Variants in CDH8 observed in about 807,000 individuals in gnomAD.
CDH8 encodes the protein cadherin-8.
In CDH8, 17 loss-of-function variants were observed where a neutral mutation model predicts 68.1. That is an observed-to-expected ratio of 0.25 (90% CI 0.17 to 0.37). The LOEUF (loss-of-function observed/expected upper bound fraction) is 0.37. Ranked by LOEUF, CDH8 falls within the 10% of genes least tolerant of loss-of-function variation. CDH8 has a pLI of 1.00. For missense variants in CDH8, 763 were observed against 999.3 expected (o/e 0.76, Z 3.19); for synonymous variants, 372 against 365.1 (o/e 1.02, Z -0.21).
At chr16:61,879,123 T>C (rs1208658242) in intron 3 of CDH8, among the ~76,000 whole-genome samples, 1 of 152,186 alleles carries the variant, frequency 6.6e-6, no homozygotes, top group Non-Finnish European at 1.5e-5. Context: ...TCCTCGAAGG[T>C]AGGCTGACTG....
At chr16:61,952,237 A>T (rs1964909618) in intron 2 of CDH8, among the ~76,000 whole-genome samples, 1 of 152,226 alleles carries the variant, frequency 6.6e-6, no homozygotes, top group Non-Finnish European at 1.5e-5. Flanking sequence ...ACCACAGCTA[A>T]AGAATACCAC....
intron 2 of CDH8, among the ~76,000 whole-genome samples, chr16:61,932,520 G>T (rs1311068308): frequency 3.3e-5 from 5 of 151,960 alleles, no homozygotes; most frequent in Non-Finnish European, 5.9e-5. Context: ...TACCACTCCC[G>T]TATAGTGACC....
intron 2 of CDH8, among the ~76,000 whole-genome samples, chr16:61,988,418 C>G (rs1450823872): frequency 6.6e-6 from 1 of 152,108 alleles, no homozygotes; most frequent in African/African-American, 2.4e-5. Context: ...ACTTTCTATC[C>G]TTGATTAAGC....
At chr16:61,975,424 G>C (rs1292717432) in intron 2 of CDH8, among the ~76,000 whole-genome samples, 1 of 152,142 alleles carries the variant, frequency 6.6e-6, no homozygotes, top group Non-Finnish European at 1.5e-5. Context: ...TCATGTCTCT[G>C]TCAGTCAAAT....
In CDH8 at chr16:61,654,117, T is replaced by G. The variant is rs1963389227; in HGVS notation, c.1907-16A>C. 6.3e-7 allele frequency: 1 copy of G among 1,599,790 alleles called. No individual in the cohort carries two copies. Among genetic ancestry groups the G allele is most frequent in the Non-Finnish European group, 8.5e-7 (1 of 1,172,648 alleles). On this transcript the variant is annotated splice_polypyrimidine_tract_variant and intron_variant, in intron 11 of 11. Coordinates refer to ENST00000577390, the MANE Select transcript of CDH8 (RefSeq NM_001796.5). ...ACCACGATGACTAGAGGAAAAATATTAAATAACAGTCAGCCAAACAAGCAT... is the reference window on the plus strand; with the variant it reads ...ACCACGATGACTAGAGGAAAAATATGAAATAACAGTCAGCCAAACAAGCAT...
intron 2 of CDH8, among the ~76,000 whole-genome samples, chr16:61,939,653 A>G (rs1334701732): frequency 6.6e-6 from 1 of 152,206 alleles, no homozygotes; most frequent in African/African-American, 2.4e-5. Context: ...TTTGTAATTG[A>G]CTATAATACC....
At chr16:61,838,638 GAAACTT>G (rs1381916530) in intron 4 of CDH8, among the ~76,000 whole-genome samples, 2 of 152,074 alleles carry the variant, frequency 1.3e-5, no homozygotes, top group East Asian at 3.9e-4. Flanking sequence ...TGATTTCTGA[GAAACTT>G]GCAGCCATTA....
At chr16:61,722,879 T>A (rs2142884995) in intron 9 of CDH8, among the ~76,000 whole-genome samples, 1 of 150,716 alleles carries the variant, frequency 6.6e-6, no homozygotes, top group African/African-American at 2.4e-5. Flanking sequence ...AAAATATTTT[T>A]GTTTCTCTTT....
chr16:61,942,384 C>G (rs1473300801), intron 2 of CDH8, among the ~76,000 whole-genome samples: 1 of 152,148 alleles, frequency 6.6e-6, no homozygotes, highest in East Asian at 1.9e-4. Flanking sequence ...GTAGTCCTAG[C>G]TGCTCAGAAG....
intron 3 of CDH8, among the ~76,000 whole-genome samples, chr16:61,868,943 AGAG>A: frequency 6.6e-6 from 1 of 152,284 alleles, no homozygotes; most frequent in Non-Finnish European, 1.5e-5. Flanking sequence ...GAGGATGAAA[AGAG>A]GAGGGAGAGA....
In CDH8 at chr16:61,973,360, C is replaced by A. The variant is rs186141120; in HGVS notation, c.252+47792G>T. 1.8e-4 allele frequency among the ~76,000 whole-genome samples: 27 copies of A among 152,294 alleles called. No individual in the cohort carries two copies. In the East Asian group the frequency reaches 4.8e-3, roughly 27 times the overall value. ...TATTGTAAGAATGCAGTATGTAATA[C>A]CTATGACATATGAAATACGTGTTAA... On this transcript the variant is annotated intron_variant, in intron 2 of 11. Transcript: ENST00000577390.
intron 4 of CDH8, among the ~76,000 whole-genome samples, chr16:61,845,955 G>A (rs1448234817): frequency 1.3e-5 from 2 of 151,896 alleles, no homozygotes; most frequent in Non-Finnish European, 2.9e-5. Flanking sequence ...CTAATTGCAA[G>A]GGGAAAAAAA....
intron 2 of CDH8, among the ~76,000 whole-genome samples, chr16:61,930,556 G>A (rs1964526504): frequency 6.6e-6 from 1 of 152,182 alleles, no homozygotes; most frequent in Non-Finnish European, 1.5e-5. Flanking sequence ...CAAAAGGACT[G>A]TAGGTTTACA....
At chr16:61,803,632 G>T (rs57039523) in intron 7 of CDH8, among the ~76,000 whole-genome samples, 20 of 150,732 alleles carry the variant, frequency 1.3e-4, no homozygotes, top group Non-Finnish European at 2.1e-4. Context: ...ATCTACCAAG[G>T]AAATGGAAAA....
intron 4 of CDH8, among the ~76,000 whole-genome samples, chr16:61,852,860 T>A (rs958306432): frequency 1.5e-5 from 2 of 133,888 alleles, no homozygotes; most frequent in African/African-American, 6.2e-5. Flanking sequence ...TGCCCTTCCT[T>A]CCTTCCTTCC....
At chr16:61,797,306 G>C (rs1298670352) in intron 7 of CDH8, among the ~76,000 whole-genome samples, 4 of 152,054 alleles carry the variant, frequency 2.6e-5, no homozygotes, top group African/African-American at 9.7e-5. Context: ...AGTTTTGAAT[G>C]TCGTGGATCT....
chr16:61,985,514 C>T (rs560061975), intron 2 of CDH8, among the ~76,000 whole-genome samples: 37 of 152,208 alleles, frequency 2.4e-4, no homozygotes, highest in Admixed American at 5.2e-4. Flanking sequence ...TCTTTTGAGA[C>T]GGAGTTTCAC....
At chr16:61,863,120 G>A (rs183597033) in intron 3 of CDH8, among the ~76,000 whole-genome samples, 33 of 152,258 alleles carry the variant, frequency 2.2e-4, no homozygotes, top group East Asian at 1.2e-3. Context: ...GTATCAAGCC[G>A]AGTATGAACA....
At chr16:61,956,171 A>G (rs1964985374) in intron 2 of CDH8, among the ~76,000 whole-genome samples, 1 of 152,190 alleles carries the variant, frequency 6.6e-6, no homozygotes, top group South Asian at 2.1e-4. Context: ...GTTGTCAAAA[A>G]TTTGTATACA....
Sources: gnomAD v4.1 joint callset for allele counts (sites outside exome capture counted in the v4.1 genomes callset) on GRCh38, gnomAD v4.1.1 for gene constraint, MANE v1.5 for transcripts, NCBI Gene and HGNC (gene_info 2026-07-23, HGNC 2026-07-21) for gene names.